Variants in SPIRE2 observed in about 807,000 individuals in gnomAD.
The protein encoded by SPIRE2 is spire type actin nucleation factor 2.
Under a neutral mutation model 80.7 loss-of-function variants are expected in SPIRE2, and 76 were observed. The observed-to-expected ratio is 0.94, with a 90% CI of 0.78 to 1.14. The LOEUF is 1.14. Ranked by LOEUF, SPIRE2 falls within the 50% of genes most tolerant of loss-of-function variation. The pLI, the probability that SPIRE2 is intolerant of heterozygous loss-of-function variation, is 0.00. For missense variants in SPIRE2, 1,196 were observed against 1,015.3 expected, an observed-to-expected ratio of 1.18 and a Z score of -2.42; for synonymous variants, 535 against 432.6, an observed-to-expected ratio of 1.24 and a Z score of -2.94.
chr16:89,841,510 T>C (rs151222481), intron 1 of SPIRE2, among the ~76,000 whole-genome samples: 6 of 152,290 alleles, frequency 3.9e-5, no homozygotes, highest in South Asian at 2.1e-4. Context: ...TATGCACTTA[T>C]ACCTGGGTGT....
chr16:89,828,539 GACGGCCCCGCC>G lies in SPIRE2; in HGVS notation c.-10_1del, dbSNP rs2041347185. ...GCGGGTCCGGCGCGCGGGAGGCGAT[GACGGCCCCGCC>G]ATGGCCCGGGCGGGCAGCTGCGGCG... On this transcript the variant is annotated 5_prime_UTR_variant, in exon 1 of 15. An upstream open reading frame in the 5' UTR loses its in-frame stop. Transcript: ENST00000378247. This position sits in a 1 kb window ranked among gnomAD's most constrained non-coding sequence, Gnocchi z 5.9. The G allele has an allele frequency of 1.8e-6, 2 of 1,082,940 alleles. No individual in the cohort carries two copies. The highest frequency in any genetic ancestry group is 1.7e-5 in the African/African-American group (1 of 59,104). The allele number at this position is 1,082,940 out of a possible 1,614,324, so 67.1% of individuals were successfully genotyped here. A position where few individuals can be genotyped will look rare whatever the true frequency, so the allele number is the denominator to read the frequency against.
chr16:89,836,269 C>G (rs1247230413), intron 1 of SPIRE2: 1 of 455,960 alleles, frequency 2.2e-6, no homozygotes, highest in South Asian at 1.5e-5. Context: ...GCACCTGGAC[C>G]CTCAACTGCC....
rs933129381 is a variant in SPIRE2, at chr16:89,871,284, G to C, written c.*1012G>C. On this transcript the variant is annotated 3_prime_UTR_variant, in exon 15 of 15. Transcript: ENST00000378247. ...AGCAGCTCTGTAAATCTGTGCACAT[G>C]GCCACTCTTGGCCTAATAAAGGAGG... 1.3e-5 allele frequency: 2 copies of C among 152,270 alleles called. No individual in the cohort carries two copies. The highest frequency in any genetic ancestry group is 4.8e-5 in the African/African-American group (2 of 41,450). 9.4% of individuals were successfully genotyped at this position (152,270 alleles called of 1,614,324 possible). A position where few individuals can be genotyped will look rare whatever the true frequency, so the allele number is the denominator to read the frequency against.
intron 3 of SPIRE2, 42 bp downstream of exon 3, chr16:89,850,702 C>CAGGGAGGGGAGCAGTGGG: frequency 8.2e-7 from 1 of 1,224,184 alleles, no homozygotes; most frequent in Non-Finnish European, 1.1e-6. Flanking sequence ...TCCGGGAGGC[C>CAGGGAGGGGAGCAGTGGG]AGGGAGGGGA....
rs762879033 is a variant in SPIRE2, at chr16:89,859,339, G to A, written c.1447G>A (p.Gly483Ser). The change falls in exon 9 of 15, where the codon GGC becomes AGC. Residue 483 changes from glycine (G) to serine (S), a missense_variant. Transcript: ENST00000378247. ...RAGSAHVWRP[G>S]SRDQGTCPAS... ...TGGCAGTGCGCATGTGTGGAGGCCC[G>A]GCTCCCGAGACCAGGGCAAGTGCTG... The A allele has an allele frequency of 2.1e-5, 33 of 1,571,274 alleles. No individual in the cohort carries two copies. The highest frequency in any genetic ancestry group is 1.7e-4 in the Middle Eastern group (1 of 5,786).
At chr16:89,854,771 C>A in intron 5 of SPIRE2, 120 bp downstream of exon 5, 1 of 1,106,338 alleles carries the variant, frequency 9.0e-7, no homozygotes, top group Non-Finnish European at 1.3e-6. Context: ...AGGGTCCCTG[C>A]TCTCTGTGCT....
At chr16:89,832,981 C>T (rs534865694) in intron 1 of SPIRE2, among the ~76,000 whole-genome samples, 2 of 132,982 alleles carry the variant, frequency 1.5e-5, no homozygotes, top group South Asian at 5.3e-4. Context: ...GCCACCAAAC[C>T]CAGCTGATTT....
intron 2 of SPIRE2, chr16:89,845,820 T>C (rs2041553883): frequency 1.8e-6 from 1 of 558,388 alleles, no homozygotes; most frequent in Non-Finnish European, 3.1e-6. Context: ...CCTGAAGTCA[T>C]GTCTGGAACG....
chr16:89,850,057 T>G, intron 2 of SPIRE2: 1 of 625,386 alleles, frequency 1.6e-6, no homozygotes, highest in Non-Finnish European at 3.0e-6. Flanking sequence ...AGGCTGGTCT[T>G]GAACTCCTGA....
In SPIRE2 at chr16:89,869,631, AGAGG is replaced by A; in HGVS notation, c.1873_1876del (p.Arg625TyrfsTer40). The stretch of plus-strand genomic sequence containing the variant: ...TACACACTGGGCTTTGAGAGTCCTC[AGAGG>A]GTATCAGCTGCCAAAACCGCGCCAA... On this transcript the variant is annotated frameshift_variant, in exon 14 of 15. Coordinates refer to ENST00000378247, the MANE Select transcript of SPIRE2 (RefSeq NM_032451.2). LOFTEE classifies it high-confidence loss of function. 6.2e-7 allele frequency: 1 copy of A among 1,614,200 alleles called. No individual in the cohort carries two copies. The highest frequency in any genetic ancestry group is 1.1e-5 in the South Asian group (1 of 91,084).
At chr16:89,846,350 C>G (rs556488460) in intron 2 of SPIRE2, 1 of 149,146 alleles carries the variant, frequency 6.7e-6, no homozygotes, top group Non-Finnish European at 1.5e-5. Flanking sequence ...GAGATAGAAT[C>G]TCCCTCTGTC....
At chr16:89,848,552 A>C (rs1475936005) in intron 2 of SPIRE2, among the ~76,000 whole-genome samples, 1 of 145,280 alleles carries the variant, frequency 6.9e-6, no homozygotes, top group Non-Finnish European at 1.5e-5. Context: ...CAGACGAGGC[A>C]GGTTCCAGGG....
intron 4 of SPIRE2, 22 bp from the exon 5 acceptor site, chr16:89,854,465 A>G (rs1276719585): frequency 3.1e-6 from 5 of 1,611,216 alleles, no homozygotes; most frequent in Non-Finnish European, 4.2e-6. Flanking sequence ...GCTGAGACCC[A>G]TTCTCTTCCC....
intron 1 of SPIRE2, among the ~76,000 whole-genome samples, chr16:89,829,715 C>A (rs550567544): frequency 7.2e-6 from 1 of 139,288 alleles, no homozygotes; most frequent in Non-Finnish European, 1.7e-5. Flanking sequence ...ATCCTGGAGC[C>A]CCCCCCTCAG....
rs1400390953 is a variant in SPIRE2 at position 89,845,315 on chromosome 16, C to G, written c.245-7C>G. On this transcript the variant is annotated splice_polypyrimidine_tract_variant and splice_region_variant and intron_variant, in intron 1 of 14. Coordinates refer to ENST00000378247, the MANE Select transcript of SPIRE2 (RefSeq NM_032451.2). ...GACAAATAACTTAACTCCCTCTTCT[C>G]TTACAGAACCTGCAACCATGGTCGT... 1 of 1,613,954 alleles carries G rather than the reference C, an allele frequency of 6.2e-7. No homozygotes were observed. The highest frequency in any genetic ancestry group is 8.5e-7 in the Non-Finnish European group (1 of 1,179,930).
At chr16:89,841,692 C>T (rs2041507331) in intron 1 of SPIRE2, among the ~76,000 whole-genome samples, 1 of 151,690 alleles carries the variant, frequency 6.6e-6, no homozygotes, top group Non-Finnish European at 1.5e-5. Context: ...ATAGAGGCCA[C>T]GGTAAATAAT....
rs1043754430 is a variant in SPIRE2, at chr16:89,840,784, C to T, written c.245-4538C>T. ...CCGAGTAGCTGGGACTACAGGTGCC[C>T]GCCACCACGCCCAGCTTATTTTTTT... is the stretch of plus-strand genomic sequence containing the variant. On this transcript the variant is annotated intron_variant, in intron 1 of 14. Transcript: ENST00000378247. Among the ~76,000 whole-genome samples the T allele has an allele frequency of 3.4e-4, 51 of 150,740 alleles. 1 individual carries two copies. Among genetic ancestry groups the T allele is most frequent in the Admixed American group, 8.0e-4 (12 of 15,070 alleles).
intron 12 of SPIRE2, among the ~76,000 whole-genome samples, chr16:89,867,765 A>T (rs184178472): frequency 6.6e-6 from 1 of 151,730 alleles, no homozygotes; most frequent in South Asian, 2.1e-4. Context: ...TTGTATTTTT[A>T]GTAGAAACGA....
chr16:89,864,691 G>A (rs1834658312), intron 12 of SPIRE2, among the ~76,000 whole-genome samples: 2 of 152,190 alleles, frequency 1.3e-5, no homozygotes, highest in African/African-American at 2.4e-5. Flanking sequence ...CCTCACTAAC[G>A]TGGAGTAAGT....
Sources: allele counts gnomAD v4.1 joint callset (sites outside exome capture counted in the v4.1 genomes callset), GRCh38; gene constraint gnomAD v4.1.1; non-coding constraint Gnocchi (gnomAD v3.1); transcripts MANE v1.5; gene names NCBI Gene and HGNC (gene_info 2026-07-23, HGNC 2026-07-21).